PPP2R2B: variants seen among roughly 807,000 people sequenced by gnomAD.
PPP2R2B encodes serine/threonine-protein phosphatase 2A 55 kDa regulatory subunit B beta isoform.
PPP2R2B carries 5 observed loss-of-function variants against 46.0 expected under a neutral mutation model. The observed-to-expected ratio is 0.11, with a 90% confidence interval of 0.06 to 0.23. The LOEUF is 0.23. PPP2R2B is among the 10% of genes least tolerant of loss of function. The pLI, the probability that PPP2R2B is intolerant of heterozygous loss-of-function variation, is 1.00. For missense variants in PPP2R2B, 367 were observed against 575.0 expected (o/e 0.64, Z 3.70); for synonymous variants, 215 against 206.7 (o/e 1.04, Z -0.34).
At chr5:146,744,880 C>T (rs1753080818) in intron 2 of PPP2R2B, among the ~76,000 whole-genome samples, 2 of 152,124 alleles carry the variant, frequency 1.3e-5, no homozygotes, top group South Asian at 2.1e-4. Flanking sequence ...CTTTCAAATG[C>T]ATTGCTCAGG....
intron 6 of PPP2R2B, among the ~76,000 whole-genome samples, chr5:146,640,404 T>G (rs926632859): frequency 2.0e-5 from 3 of 152,272 alleles, no homozygotes; most frequent in Non-Finnish European, 4.4e-5. Flanking sequence ...TCACATGCTG[T>G]GGAGCAAGAG....
At chr5:146,818,554 T>C (rs1758069043) in intron 2 of PPP2R2B, among the ~76,000 whole-genome samples, 1 of 152,184 alleles carries the variant, frequency 6.6e-6, no homozygotes, top group Non-Finnish European at 1.5e-5. Context: ...CACCCCATTG[T>C]TCCGAGGGAA....
chr5:146,871,224 C>T (rs1489598225), intron 2 of PPP2R2B, among the ~76,000 whole-genome samples: 1 of 152,174 alleles, frequency 6.6e-6, no homozygotes, highest in Non-Finnish European at 1.5e-5. Context: ...CAAAGTGAAG[C>T]CTCAGACATC....
At chr5:147,045,668 A>G (rs1756511693) in intron 1 of PPP2R2B, among the ~76,000 whole-genome samples, 1 of 152,030 alleles carries the variant, frequency 6.6e-6, no homozygotes. Flanking sequence ...TTAAATGTAC[A>G]CCCCTCGATA....
chr5:146,744,917 C>A (rs755281215), intron 2 of PPP2R2B, among the ~76,000 whole-genome samples: 36 of 152,004 alleles, frequency 2.4e-4, no homozygotes, highest in Admixed American at 9.2e-4. Flanking sequence ...TGTAAACCAA[C>A]AAAAATACTT....
chr5:146,809,885 GT>G (rs1349501515), intron 2 of PPP2R2B, among the ~76,000 whole-genome samples: 2 of 152,202 alleles, frequency 1.3e-5, no homozygotes, highest in Non-Finnish European at 2.9e-5. Context: ...GGAAATGGCA[GT>G]GGCTTAGACT....
intron 2 of PPP2R2B, among the ~76,000 whole-genome samples, chr5:146,757,557 T>C (rs978287768): frequency 6.6e-6 from 1 of 152,138 alleles, no homozygotes; most frequent in South Asian, 2.1e-4. Flanking sequence ...GTTTTGGACA[T>C]GCAGGGGTGT....
intron 1 of PPP2R2B, among the ~76,000 whole-genome samples, chr5:147,034,025 T>C (rs757507651): frequency 6.6e-6 from 1 of 152,042 alleles, no homozygotes; most frequent in East Asian, 2.0e-4. Flanking sequence ...CTATGGTGTT[T>C]AAGGCCATAT....
chr5:146,771,492 T>C (rs551359048), intron 2 of PPP2R2B, among the ~76,000 whole-genome samples: 7 of 152,286 alleles, frequency 4.6e-5, no homozygotes, highest in African/African-American at 1.7e-4. Context: ...CAGTAAAATA[T>C]GAGTTTTGAG....
chr5:146,963,555 T>TG (rs1407085370), intron 1 of PPP2R2B, among the ~76,000 whole-genome samples: 4 of 152,232 alleles, frequency 2.6e-5, no homozygotes, highest in Non-Finnish European at 4.4e-5. Context: ...AGCATTTCTT[T>TG]GGGGTCCCAA....
At chr5:146,995,600 C>A (rs1753889031) in intron 1 of PPP2R2B, among the ~76,000 whole-genome samples, 1 of 152,224 alleles carries the variant, frequency 6.6e-6, no homozygotes, top group Non-Finnish European at 1.5e-5. Context: ...CACCTTCCCA[C>A]AAGTTCAACT....
chr5:147,001,363 G>A (rs1251156941), intron 1 of PPP2R2B, among the ~76,000 whole-genome samples: 2 of 152,002 alleles, frequency 1.3e-5, no homozygotes, highest in Non-Finnish European at 2.9e-5. Flanking sequence ...TGAAGTCAGC[G>A]AGATGATGAA....
intron 2 of PPP2R2B, among the ~76,000 whole-genome samples, chr5:146,760,989 G>A (rs1754128718): frequency 6.6e-6 from 1 of 152,160 alleles, no homozygotes; most frequent in Non-Finnish European, 1.5e-5. Flanking sequence ...AGTTAGAATA[G>A]CGATCATTAA....
At chr5:146,655,471 C>A (rs1480530000) in intron 5 of PPP2R2B, among the ~76,000 whole-genome samples, 1 of 152,216 alleles carries the variant, frequency 6.6e-6, no homozygotes, top group African/African-American at 2.4e-5. Flanking sequence ...TCTTCCCCAA[C>A]TGACTGCTCA....
chr5:146,701,240 CTT>C, intron 2 of PPP2R2B, 98 bp from the exon 3 acceptor site: 1 of 1,070,744 alleles, frequency 9.3e-7, no homozygotes. Context: ...GGGCTTAGGG[CTT>C]TGTCTCTGCA....
At chr5:146,993,386 G>A (rs1401590900) in intron 1 of PPP2R2B, among the ~76,000 whole-genome samples, 1 of 151,460 alleles carries the variant, frequency 6.6e-6, no homozygotes, top group Non-Finnish European at 1.5e-5. Flanking sequence ...GGGACTACAG[G>A]CTGCTCTACC....
chr5:146,938,682 G>A (rs901656792), intron 1 of PPP2R2B, among the ~76,000 whole-genome samples: 9 of 149,446 alleles, frequency 6.0e-5, no homozygotes, highest in Admixed American at 2.7e-4. Context: ...TCTGGATGAA[G>A]CAATTTTGGT....
In PPP2R2B at chr5:146,620,088, A is replaced by C. The variant is rs1473518909; in HGVS notation, c.790+18163T>G. On this transcript the variant is annotated intron_variant, in intron 7 of 9. Coordinates refer to ENST00000394411, the MANE Select transcript of PPP2R2B (RefSeq NM_181675.4). Reference sequence around the variant, plus strand: ...TGGCTGAGGAAACAGAGGCTTGGAGAGATAGGGACCCAAAGGACCATATGG... The same window carrying C: ...TGGCTGAGGAAACAGAGGCTTGGAGCGATAGGGACCCAAAGGACCATATGG... 2.0e-5 allele frequency among the ~76,000 whole-genome samples: 3 copies of C among 152,022 alleles called. No individual in the cohort carries two copies. The East Asian group carries it at 5.8e-4, about 29-fold the overall frequency.
chr5:146,600,434 T>C lies in PPP2R2B; in HGVS notation c.817A>G (p.Asn273Asp). The C allele has an allele frequency of 6.2e-7, 1 of 1,613,886 alleles. No individual in the cohort carries two copies. Among genetic ancestry groups the C allele is most frequent in the Non-Finnish European group, 8.5e-7 (1 of 1,179,894 alleles). ...KFFEEPEDPS[N>D]RSFFSEIISS... is the part of the protein sequence containing the mutation. ...ATAATTTCAGAGAAAAATGATCTGT[T>C]GCTTGGATCTTCCGGCTCTTCAAAA... The change falls in exon 8 of 10, where the codon AAC (asparagine) becomes GAC (aspartate). Residue 273 changes from asparagine (N) to aspartate (D), a missense_variant. By Grantham distance (23) the Asn-to-Asp change is conservative. Transcript: ENST00000394411.
Sources: gnomAD v4.1 joint callset for allele counts (sites outside exome capture counted in the v4.1 genomes callset) on GRCh38, gnomAD v4.1.1 for gene constraint, MANE v1.5 for transcripts, NCBI Gene and HGNC (gene_info 2026-07-23, HGNC 2026-07-21) for gene names.